Variants in USH2A observed in about 807,000 individuals in gnomAD.
The protein encoded by USH2A is usherin.
In USH2A, 443 loss-of-function variants were observed where a neutral mutation model predicts 538.9. The observed-to-expected ratio is 0.82, with a 90% CI of 0.76 to 0.89. The LOEUF (loss-of-function observed/expected upper bound fraction) is 0.89, where lower values mean the gene tolerates loss of function less well. USH2A is among the 40% of genes least tolerant of loss of function. The pLI is 0.00. For missense variants in USH2A, 6,633 were observed against 6,324.8 expected (o/e 1.05, Z -1.65); for synonymous variants, 2,413 against 2,273.5 (o/e 1.06, Z -1.75).
At chr1:215,676,184 T>G (rs2102667842) in intron 62 of USH2A, among the ~76,000 whole-genome samples, 1 of 152,256 alleles carries the variant, frequency 6.6e-6, no homozygotes, top group Admixed American at 6.5e-5. Flanking sequence ...TATATACATG[T>G]ACATATATAC....
chr1:216,262,343 T>C (rs1374407821), intron 11 of USH2A, among the ~76,000 whole-genome samples: 1 of 152,086 alleles, frequency 6.6e-6, no homozygotes, highest in African/African-American at 2.4e-5. Context: ...ATTCATGATC[T>C]AAATCAGAAA....
chr1:215,673,124 G>T (rs1481251116), intron 63 of USH2A, among the ~76,000 whole-genome samples: 1 of 152,176 alleles, frequency 6.6e-6, no homozygotes, highest in Non-Finnish European at 1.5e-5. Context: ...ATGTGGATTA[G>T]CTGCAGAGGA....
chr1:216,223,452 C>A (rs752806430), intron 14 of USH2A, among the ~76,000 whole-genome samples: 26 of 152,130 alleles, frequency 1.7e-4, no homozygotes, highest in Admixed American at 1.0e-3. Context: ...ATAATTAGTT[C>A]TACTCATCAA....
intron 11 of USH2A, among the ~76,000 whole-genome samples, chr1:216,259,681 A>G (rs1402153306): frequency 6.6e-6 from 1 of 152,144 alleles, no homozygotes; most frequent in East Asian, 1.9e-4. Flanking sequence ...TTGCTCAAGA[A>G]AAAGGATACA....
intron 3 of USH2A, among the ~76,000 whole-genome samples, chr1:216,372,292 C>T (rs909020977): frequency 1.3e-5 from 2 of 152,134 alleles, no homozygotes; most frequent in Non-Finnish European, 2.9e-5. Flanking sequence ...CATTTTCCCT[C>T]TGTCCACTTC....
At chr1:216,079,372 G>T (rs151045183) in intron 26 of USH2A, among the ~76,000 whole-genome samples, 368 of 152,254 alleles carry the variant, frequency 2.4e-3, no homozygotes, top group African/African-American at 8.5e-3. Context: ...AAGGAGTAAA[G>T]TGAAAGCAGA....
chr1:216,203,801 A>T (rs957742956), intron 16 of USH2A, among the ~76,000 whole-genome samples: 4 of 152,184 alleles, frequency 2.6e-5, no homozygotes, highest in Admixed American at 2.6e-4. Flanking sequence ...TTAAACTACG[A>T]TAATATCTGT....
intron 56 of USH2A, 103 bp from the exon 57 acceptor site, chr1:215,759,946 T>C: frequency 7.4e-7 from 1 of 1,348,970 alleles, no homozygotes; most frequent in Non-Finnish European, 1.1e-6. Context: ...TTTCTGTTGA[T>C]TTTAAAAAAT....
chr1:216,288,945 C>T (rs1382736315), intron 11 of USH2A, among the ~76,000 whole-genome samples: 3 of 152,090 alleles, frequency 2.0e-5, no homozygotes, highest in Non-Finnish European at 2.9e-5. Flanking sequence ...TTTGGAGAAA[C>T]TATTCTTGTT....
Position 215,845,727 on chromosome 1 carries a change from A to G in USH2A, c.9055+97T>C, listed in dbSNP as rs970542118. The G allele has an allele frequency of 8.6e-6, 12 of 1,391,718 alleles. No homozygotes were observed. In the African/African-American group the frequency reaches 1.1e-4, roughly 13 times the overall value. 86.2% of individuals were successfully genotyped at this position (1,391,718 alleles called of 1,614,324 possible). A position where few individuals can be genotyped will look rare whatever the true frequency, so the allele number is the denominator to read the frequency against. ...CACCCCCTTCCCTCCCACACCGGAA[A>G]TTTTATAATGGAGGGATGACTGATC... On this transcript the variant is annotated intron_variant, in intron 45 of 71. Transcript: ENST00000307340.
At position 216,379,141 on chromosome 1, in the gene USH2A, C is replaced by T. The variant is rs536277873; in HGVS notation, c.652-14056G>A. On this transcript the variant is annotated intron_variant, in intron 3 of 71. Transcript: ENST00000307340. The stretch of plus-strand genomic sequence containing the variant: ...GATGGGAAAGAGCATGAGAAGCTGA[C>T]CCAGACTGTCACTCCAAATGCTGTT... Among the ~76,000 whole-genome samples, 20 of 152,202 alleles carry T rather than the reference C, an allele frequency of 1.3e-4. No homozygotes were observed. In the South Asian group the frequency reaches 4.2e-3, roughly 32 times the overall value.
chr1:216,198,590 G>T lies in USH2A; in HGVS notation c.3812-6C>A. ...TTCATATCTTATAATTATTCCTAGAGAAATTAAATAGTGAACCTACGTAAC... is the reference window on the plus strand; with the variant it reads ...TTCATATCTTATAATTATTCCTAGATAAATTAAATAGTGAACCTACGTAAC... On this transcript the variant is annotated splice_region_variant and splice_polypyrimidine_tract_variant and intron_variant, in intron 17 of 71. Transcript: ENST00000307340. The T allele has an allele frequency of 6.2e-7, 1 of 1,610,954 alleles. No individual in the cohort carries two copies. Among genetic ancestry groups the T allele is most frequent in the Non-Finnish European group, 8.5e-7 (1 of 1,179,166 alleles).
At chr1:216,253,816 T>G (rs901232545) in intron 11 of USH2A, among the ~76,000 whole-genome samples, 5 of 152,220 alleles carry the variant, frequency 3.3e-5, no homozygotes, top group African/African-American at 7.2e-5. Flanking sequence ...AAATCATTAC[T>G]TTGCAATTCA....
intron 11 of USH2A, among the ~76,000 whole-genome samples, chr1:216,273,791 C>A (rs1359201142): frequency 6.8e-6 from 1 of 147,794 alleles, no homozygotes; most frequent in East Asian, 2.0e-4. Context: ...AGAATGCTTA[C>A]CCCAAATTGT....
At chr1:216,288,441 A>G (rs1450954831) in intron 11 of USH2A, among the ~76,000 whole-genome samples, 1 of 152,154 alleles carries the variant, frequency 6.6e-6, no homozygotes, top group East Asian at 1.9e-4. Context: ...AGCAATTTTT[A>G]ATGAATTCTC....
In USH2A at chr1:215,625,094, T is replaced by C. The variant is rs1001850341; in HGVS notation, c.*687A>G. 3 of 152,380 alleles carry C rather than the reference T, an allele frequency of 2.0e-5. No individual in the cohort carries two copies. The highest frequency in any genetic ancestry group is 7.2e-5 in the African/African-American group (3 of 41,468). The allele number at this position is 152,380 out of a possible 1,614,324, so 9.4% of individuals were successfully genotyped here. A position where few individuals can be genotyped will look rare whatever the true frequency, so the allele number is the denominator to read the frequency against. ...ATAAATAAGCTGTTTACTCCTTAGA[T>C]TTTTGGAAAATTCATAAATGCAAGA... On this transcript the variant is annotated 3_prime_UTR_variant, in exon 72 of 72. Coordinates refer to ENST00000307340, the MANE Select transcript of USH2A (RefSeq NM_206933.4).
chr1:216,232,709 C>T (rs1208264243), intron 13 of USH2A, among the ~76,000 whole-genome samples: 1 of 152,124 alleles, frequency 6.6e-6, no homozygotes, highest in African/African-American at 2.4e-5. Context: ...ATGGATGTTG[C>T]CTCCTAACAA....
In USH2A at chr1:216,246,940, C is replaced by T. The variant is rs1269136992; in HGVS notation, c.2454G>A (p.Lys818=). 6.2e-7 allele frequency: 1 copy of T among 1,614,134 alleles called. No homozygotes were observed. Among genetic ancestry groups the T allele is most frequent in the Admixed American group, 1.7e-5 (1 of 60,014 alleles). ...CNAKTGQCIC[K]PNVEGRQCNK... is the part of the protein sequence containing the mutation. ...TGCACTGTCTCCCTTCAACATTGGG[C>T]TTGCAGATGCACTGCCCTGTCTTAG... The change falls in exon 13 of 72, where the codon AAG becomes AAA. Residue 818 remains lysine (K), a synonymous_variant. Coordinates refer to ENST00000307340, the MANE Select transcript of USH2A (RefSeq NM_206933.4).
rs527632422 is a variant in USH2A, at chr1:216,408,652, C to T, written c.651+9862G>A. Among the ~76,000 whole-genome samples the T allele has an allele frequency of 3.3e-5, 5 of 152,280 alleles. No individual in the cohort carries two copies. The South Asian group carries it at 1.0e-3, about 32-fold the overall frequency. On this transcript the variant is annotated intron_variant, in intron 3 of 71. Transcript: ENST00000307340. ...TCATTTGTTAAGTTGAGAGTGTTTACCTTTTCACTTAAAAGAGGGACTTTA... is the reference window on the plus strand; with the variant it reads ...TCATTTGTTAAGTTGAGAGTGTTTATCTTTTCACTTAAAAGAGGGACTTTA...
Sources: gnomAD v4.1 joint callset for allele counts (sites outside exome capture counted in the v4.1 genomes callset) on GRCh38, gnomAD v4.1.1 for gene constraint, MANE v1.5 for transcripts, NCBI Gene and HGNC (gene_info 2026-07-23, HGNC 2026-07-21) for gene names.